KALRN: variants seen among roughly 807,000 people sequenced by gnomAD.
KALRN encodes kalirin.
A neutral mutation model predicts 353.7 loss-of-function variants in KALRN; 70 were observed. The observed-to-expected ratio is 0.20, with a 90% CI of 0.16 to 0.24. The LOEUF is 0.24. Among genes scored for constraint, KALRN ranks in the 10% least tolerant of loss-of-function variants. The pLI, the probability that KALRN is intolerant of heterozygous loss-of-function variation, is 1.00. For synonymous variants in KALRN, 1,391 were observed against 1,434.8 expected (o/e 0.97, Z 0.69); for missense variants, 2,791 against 3,756.7 (o/e 0.74, Z 6.72).
intron 49 of KALRN, among the ~76,000 whole-genome samples, chr3:124,676,406 T>A (rs1181169526): frequency 6.6e-6 from 1 of 152,132 alleles, no homozygotes; most frequent in East Asian, 1.9e-4. Flanking sequence ...GGGTCAGAGT[T>A]GGTTGTGATG....
At chr3:124,057,129 A>G (rs2041623378) in intron 1 of KALRN, among the ~76,000 whole-genome samples, 1 of 152,156 alleles carries the variant, frequency 6.6e-6, no homozygotes, top group Admixed American at 6.5e-5. Context: ...GGCTTTGTGA[A>G]GAGCTGGTGG....
chr3:124,598,545 G>A (rs1207801695), intron 34 of KALRN, among the ~76,000 whole-genome samples: 1 of 152,150 alleles, frequency 6.6e-6, no homozygotes, highest in African/African-American at 2.4e-5. Context: ...AGGAACTGCT[G>A]TCATAATTTT....
At chr3:124,446,711 TC>T (rs1211465888) in intron 20 of KALRN, 51 bp from the exon 21 acceptor site, 17 of 1,610,738 alleles carry the variant, frequency 1.1e-5, no homozygotes, top group Admixed American at 5.0e-5. Context: ...TGGCATGTTT[TC>T]CTACTGACAG....
chr3:124,146,728 A>AT (rs1048189827), intron 1 of KALRN, among the ~76,000 whole-genome samples: 1 of 151,952 alleles, frequency 6.6e-6, no homozygotes, highest in African/African-American at 2.4e-5. Flanking sequence ...AAATACAAAA[A>AT]TTAGCCAGTA....
intron 6 of KALRN, among the ~76,000 whole-genome samples, chr3:124,309,211 A>G (rs2078005380): frequency 6.6e-6 from 1 of 152,072 alleles, no homozygotes; most frequent in South Asian, 2.1e-4. Context: ...AATTCTACCA[A>G]ACATTTAAAG....
At chr3:124,452,164 A>T (rs904298431) in intron 21 of KALRN, among the ~76,000 whole-genome samples, 2 of 152,162 alleles carry the variant, frequency 1.3e-5, no homozygotes, top group African/African-American at 4.8e-5. Context: ...ATAAGAAACC[A>T]TTTCAGAATA....
rs565890401 is a variant in KALRN at position 124,663,872 on chromosome 3, G to A, written c.6345+1944G>A. Among the ~76,000 whole-genome samples, 32 of 152,178 alleles carry A rather than the reference G, an allele frequency of 2.1e-4. 1 individual carries two copies. Among genetic ancestry groups the A allele is most frequent in the Non-Finnish European group, 3.8e-4 (26 of 68,018 alleles). ...TATTTAAGTTAGCTTTCATGCATTG[G>A]ATTCATGACATTCTTGAGCCAAATT... On this transcript the variant is annotated intron_variant, in intron 45 of 59. Coordinates refer to ENST00000682506, the MANE Select transcript of KALRN (RefSeq NM_001388419.1).
At chr3:124,269,338 G>T (rs2148926787) in intron 5 of KALRN, 83 bp downstream of exon 5, 1 of 1,416,428 alleles carries the variant, frequency 7.1e-7, no homozygotes, top group East Asian at 2.3e-5. Context: ...ATTAATGATA[G>T]TACTTTCCTG....
chr3:124,508,314 TCTC>T (rs1293578169), intron 33 of KALRN, among the ~76,000 whole-genome samples: 1 of 152,204 alleles, frequency 6.6e-6, no homozygotes, highest in Non-Finnish European at 1.5e-5. Flanking sequence ...AGGTCACCAT[TCTC>T]CTTGCATGCA....
intron 34 of KALRN, among the ~76,000 whole-genome samples, chr3:124,586,236 T>C (rs994821359): frequency 6.6e-6 from 1 of 152,138 alleles, no homozygotes; most frequent in African/African-American, 2.4e-5. Flanking sequence ...AAAGGGGGAA[T>C]AAAGCGCGGA....
At chr3:124,564,569 C>T (rs115688763) in intron 34 of KALRN, among the ~76,000 whole-genome samples, 2,935 of 152,038 alleles carry the variant, frequency 0.019, 61 homozygotes, top group South Asian at 0.064. Context: ...TCCAGCTACT[C>T]AGTGGGGGGC....
At chr3:124,459,626 T>A (rs960442215) in intron 23 of KALRN, among the ~76,000 whole-genome samples, 3 of 152,180 alleles carry the variant, frequency 2.0e-5, no homozygotes, top group African/African-American at 7.2e-5. Context: ...ACCGTACCAA[T>A]CTTATAAACC....
At chr3:124,074,264 T>C (rs1035230415) in intron 1 of KALRN, among the ~76,000 whole-genome samples, 2 of 152,236 alleles carry the variant, frequency 1.3e-5, no homozygotes, top group Admixed American at 1.3e-4. Flanking sequence ...TCTCAGTTCA[T>C]AGCTTCAGAA....
intron 33 of KALRN, among the ~76,000 whole-genome samples, chr3:124,554,931 A>G (rs137879322): frequency 1.3e-5 from 2 of 152,288 alleles, no homozygotes; most frequent in East Asian, 3.9e-4. Context: ...TAACATGTTT[A>G]TATGTGGCTG....
chr3:124,711,285 G>A (rs976239122), intron 57 of KALRN, among the ~76,000 whole-genome samples: 6 of 152,078 alleles, frequency 3.9e-5, no homozygotes, highest in Non-Finnish European at 8.8e-5. Context: ...GCTTCCCAAA[G>A]CACTGGGATG....
intron 1 of KALRN, among the ~76,000 whole-genome samples, chr3:124,075,200 C>T (rs1357076981): frequency 5.3e-5 from 8 of 152,180 alleles, no homozygotes; most frequent in African/African-American, 1.9e-4. Context: ...GCATGAGTGA[C>T]TTTGTAATCA....
intron 50 of KALRN, among the ~76,000 whole-genome samples, chr3:124,678,926 T>A (rs1332400087): frequency 6.6e-6 from 1 of 152,294 alleles, no homozygotes; most frequent in South Asian, 2.1e-4. Context: ...TTTACCCCCA[T>A]CTTGAAACAA....
chr3:124,125,886 T>G (rs567863927), intron 1 of KALRN, among the ~76,000 whole-genome samples: 3 of 152,272 alleles, frequency 2.0e-5, no homozygotes, highest in East Asian at 3.9e-4. Context: ...GATTAGGTGT[T>G]TCTGCTTTGA....
intron 58 of KALRN, 83 bp downstream of exon 58, chr3:124,713,218 C>T (rs2062975292): frequency 1.7e-6 from 2 of 1,200,642 alleles, no homozygotes; most frequent in South Asian, 1.5e-5. Context: ...AAGACAGTTA[C>T]ATTTTATACA....
Sources: gnomAD v4.1 joint callset for allele counts (sites outside exome capture counted in the v4.1 genomes callset) on GRCh38, gnomAD v4.1.1 for gene constraint, MANE v1.5 for transcripts, NCBI Gene and HGNC (gene_info 2026-07-23, HGNC 2026-07-21) for gene names.